Variants in PCDHB4 observed in about 807,000 individuals in gnomAD.
PCDHB4 encodes protocadherin beta-4.
For missense variants in PCDHB4, 1,063 were observed against 1,007.0 expected (o/e 1.06, Z -0.75); for synonymous variants, 482 against 447.3 (o/e 1.08, Z -0.98).
rs782562843 is a variant in PCDHB4 at position 141,123,174 on chromosome 5, A to T, written c.1176A>T (p.Leu392=). 1 of 1,614,156 alleles carries T rather than the reference A, an allele frequency of 6.2e-7. No homozygotes were observed. The highest frequency in any genetic ancestry group is 1.1e-5 in the South Asian group (1 of 91,074). ...CSIPDNLPFI[L]KPTLKNFYTL... ...TTCCAGATAATCTACCGTTTATTCTAAAACCAACTTTGAAGAATTTTTACA... is the reference window on the plus strand; with the variant it reads ...TTCCAGATAATCTACCGTTTATTCTTAAACCAACTTTGAAGAATTTTTACA... Residue 392 remains leucine (L), a synonymous_variant, in exon 1 of 1, where the codon CTA becomes CTT. Coordinates refer to ENST00000194152, the MANE Select transcript of PCDHB4 (RefSeq NM_018938.4).
Position 141,122,517 on chromosome 5 carries a change from C to A in PCDHB4, c.519C>A (p.Pro173=). 1 of 1,614,228 alleles carries A rather than the reference C, an allele frequency of 6.2e-7. No individual in the cohort carries two copies. The highest frequency in any genetic ancestry group is 2.2e-5 in the East Asian group (1 of 44,880). ...GTCTTCAAAAATACACAATCAGCCC[C>A]AATTCTCATTTTCACATTCTCACTC... The part of the protein sequence containing the change: ...SNGLQKYTIS[P]NSHFHILTRN... Residue 173 remains proline, a synonymous_variant, in exon 1 of 1, where the codon CCC becomes CCA. Coordinates refer to ENST00000194152, the MANE Select transcript of PCDHB4 (RefSeq NM_018938.4).
rs1752303955 is a variant in PCDHB4, at chr5:141,122,413, T to C, written c.415T>C (p.Leu139=). Residue 139 remains leucine (L), a synonymous_variant, in exon 1 of 1, where the codon TTG becomes CTG. Coordinates refer to ENST00000194152, the MANE Select transcript of PCDHB4 (RefSeq NM_018938.4). The part of the protein sequence containing the change: ...SPIFPEREVL[L]KILENSQPGT... The stretch of plus-strand genomic sequence containing the variant: ...AATATTCCCTGAAAGGGAAGTGCTC[T>C]TGAAAATACTAGAAAATAGCCAGCC... 7 of 1,614,100 alleles carry C rather than the reference T, an allele frequency of 4.3e-6. No individual in the cohort carries two copies. Among genetic ancestry groups the C allele is most frequent in the Admixed American group, 3.3e-5 (2 of 60,008 alleles).
In PCDHB4 at chr5:141,122,147, A is replaced by G. The variant is rs782788148; in HGVS notation, c.149A>G (p.Asp50Gly). Reference protein sequence around the residue: ...SGSFVAHLAKDLGLGIGELAS... With the variant: ...SGSFVAHLAKGLGLGIGELAS... ...TCCTTTGTAGCCCATCTGGCCAAGG[A>G]TCTGGGCCTGGGAATTGGGGAACTG... is the stretch of plus-strand genomic sequence containing the variant. The change falls in exon 1 of 1, where the codon GAT (aspartate) becomes GGT (glycine). Residue 50 changes from aspartate (D) to glycine (G), a missense_variant. By Grantham distance (94) the Asp-to-Gly change is moderately conservative (BLOSUM62 -1). Transcript: ENST00000194152. The G allele has an allele frequency of 3.7e-6, 6 of 1,614,036 alleles. No homozygotes were observed. The South Asian group carries it at 5.5e-5, about 15-fold the overall frequency.
chr5:141,123,690 G>A lies in PCDHB4; in HGVS notation c.1692G>A (p.Leu564=), dbSNP rs781943118. 22 of 1,611,100 alleles carry A rather than the reference G, an allele frequency of 1.4e-5. No homozygotes were observed. Among genetic ancestry groups the A allele is most frequent in the South Asian group, 2.2e-5 (2 of 90,972 alleles). The change falls in exon 1 of 1, where the codon CTG becomes CTA. Residue 564 remains leucine, a synonymous_variant. Coordinates refer to ENST00000194152, the MANE Select transcript of PCDHB4 (RefSeq NM_018938.4). ...NDNSPFVLYP[L]QNGSAPCTEL... ...ACTCGCCCTTCGTGCTGTACCCGCT[G>A]CAGAATGGCTCCGCGCCCTGCACCG...
rs782816932 is a variant in PCDHB4, at chr5:141,123,102, A to G, written c.1104A>G (p.Arg368=). The change falls in exon 1 of 1, where the codon CGA becomes CGG. Residue 368 remains arginine (R), a synonymous_variant. Transcript: ENST00000194152. ...NAPETVVSIF[R]IRDRDSGENG... The stretch of plus-strand genomic sequence containing the variant: ...CTGAGACGGTAGTCTCTATCTTCCG[A>G]ATTCGAGATAGAGATTCCGGAGAAA... The G allele has an allele frequency of 6.2e-7, 1 of 1,613,798 alleles. No homozygotes were observed. The highest frequency in any genetic ancestry group is 1.1e-5 in the South Asian group (1 of 91,016).
Position 141,123,610 on chromosome 5 carries a change from C to CCA in PCDHB4, c.1613_1614insAC (p.Ala539ArgfsTer3). The CCA allele has an allele frequency of 6.2e-7, 1 of 1,612,172 alleles. No homozygotes were observed. The highest frequency in any genetic ancestry group is 8.5e-7 in the Non-Finnish European group (1 of 1,179,794). ...CGTGGGCGCCTCAGACCGCGGTTCT[C>CCA]CGGCTTTGAGCAGCGAGGCGCTGGT... On this transcript the variant is annotated frameshift_variant, in exon 1 of 1. Coordinates refer to ENST00000194152, the MANE Select transcript of PCDHB4 (RefSeq NM_018938.4). LOFTEE classifies it low-confidence loss of function (END_TRUNC).
At position 141,121,858 on chromosome 5, in the gene PCDHB4, G is replaced by A. The variant is rs1201819331; in HGVS notation, c.-141G>A. On this transcript the variant is annotated 5_prime_UTR_variant, in exon 1 of 1. Coordinates refer to ENST00000194152, the MANE Select transcript of PCDHB4 (RefSeq NM_018938.4). ...TACAAGCAGTGCAGGTTTACCAACG[G>A]CTTGGGGCAGCGATATACTAAACAA... 1 of 613,710 alleles carries A rather than the reference G, an allele frequency of 1.6e-6. No homozygotes were observed. The highest frequency in any genetic ancestry group is 2.9e-6 in the Non-Finnish European group (1 of 350,224). The allele number at this position is 613,710 out of a possible 1,614,324, so 38.0% of individuals were successfully genotyped here.
rs374096831 is a variant in PCDHB4, at chr5:141,122,316, A to T, written c.318A>T (p.Gln106His). The T allele has an allele frequency of 3.3e-5, 54 of 1,613,922 alleles. No homozygotes were observed. The highest frequency in any genetic ancestry group is 3.3e-4 in the Middle Eastern group (2 of 6,084). The part of the protein sequence containing the change: ...GPIEPCVLHF[Q>H]VFLEMPVQFF... ...TTGAACCGTGTGTACTGCATTTCCA[A>T]GTGTTCCTGGAAATGCCGGTGCAAT... The change falls in exon 1 of 1, where the codon CAA (glutamine) becomes CAT (histidine). Residue 106 changes from glutamine (Q) to histidine (H), a missense_variant. Transcript: ENST00000194152.
Position 141,122,485 on chromosome 5 carries a change from A to C in PCDHB4, c.487A>C (p.Ser163Arg), listed in dbSNP as rs149602339. The C allele has an allele frequency of 5.0e-6, 8 of 1,614,248 alleles. No homozygotes were observed. The highest frequency in any genetic ancestry group is 6.8e-6 in the Non-Finnish European group (8 of 1,180,042). ...LLIAEDLDVG[S>R]NGLQKYTISP... ...AATAGCTGAGGATTTGGATGTGGGCAGCAATGGTCTTCAAAAATACACAAT... is the reference window on the plus strand; with the variant it reads ...AATAGCTGAGGATTTGGATGTGGGCCGCAATGGTCTTCAAAAATACACAAT... Residue 163 changes from serine to arginine, a missense_variant, in exon 1 of 1, where the codon AGC (serine) becomes CGC (arginine). Physicochemically the swap from Ser to Arg is moderately radical, Grantham distance 110 (BLOSUM62 -1). Transcript: ENST00000194152.
In PCDHB4 at chr5:141,122,628, C is replaced by T. The variant is rs782280520; in HGVS notation, c.630C>T (p.Thr210=). Residue 210 remains threonine (T), a synonymous_variant, in exon 1 of 1, where the codon ACC becomes ACT. Transcript: ENST00000194152. ...AGGAGCAGCCTGAGTTCAGCTTAACCCTCGTGGCGCTGGATGGTGGGTCAC... is the reference window on the plus strand; with the variant it reads ...AGGAGCAGCCTGAGTTCAGCTTAACTCTCGTGGCGCTGGATGGTGGGTCAC... ...DREEQPEFSL[T]LVALDGGSPP... 1 of 1,614,186 alleles carries T rather than the reference C, an allele frequency of 6.2e-7. No individual in the cohort carries two copies.
Position 141,124,314 on chromosome 5 carries a change from T to G in PCDHB4, c.2316T>G (p.Asn772Lys). ...AGTTCCTGAAGCCAATATTTCCTAATCTCTTGGTTCAGGACACCGGGAGGG... is the reference window on the plus strand; with the variant it reads ...AGTTCCTGAAGCCAATATTTCCTAAGCTCTTGGTTCAGGACACCGGGAGGG... ...EFKFLKPIFP[N>K]LLVQDTGREV... The change falls in exon 1 of 1, where the codon AAT (asparagine) becomes AAG (lysine). Residue 772 changes from asparagine to lysine, a missense_variant. By Grantham distance (94) the Asn-to-Lys change is moderately conservative. Transcript: ENST00000194152. 6.2e-7 allele frequency: 1 copy of G among 1,613,962 alleles called. No homozygotes were observed. Among genetic ancestry groups the G allele is most frequent in the Non-Finnish European group, 8.5e-7 (1 of 1,179,982 alleles).
chr5:141,121,907 T>C lies in PCDHB4; in HGVS notation c.-92T>C. On this transcript the variant is annotated 5_prime_UTR_variant, in exon 1 of 1. Coordinates refer to ENST00000194152, the MANE Select transcript of PCDHB4 (RefSeq NM_018938.4). ...AAATTTAATATTAAAAGCAACTGTG[T>C]GACGATTCCTCCAAGCAAGAAATTG... 2.3e-6 allele frequency: 2 copies of C among 885,734 alleles called. No homozygotes were observed. Among genetic ancestry groups the C allele is most frequent in the Admixed American group, 2.8e-5 (1 of 36,300 alleles). 54.9% of individuals were successfully genotyped at this position (885,734 alleles called of 1,614,324 possible). A position where few individuals can be genotyped will look rare whatever the true frequency, so the allele number is the denominator to read the frequency against.
rs1458717929 is a variant in PCDHB4 at position 141,124,638 on chromosome 5, T to A, written c.*252T>A. ...TTGGTGATTAATCTTTTTGTAATCA[T>A]AAATTACTCAATTAGGATAAAAATA... On this transcript the variant is annotated 3_prime_UTR_variant, in exon 1 of 1. Transcript: ENST00000194152. The A allele has an allele frequency of 3.4e-5, 11 of 327,446 alleles. No homozygotes were observed. The highest frequency in any genetic ancestry group is 6.1e-5 in the Non-Finnish European group (11 of 181,658). 20.3% of individuals were successfully genotyped at this position (327,446 alleles called of 1,614,324 possible). A position where few individuals can be genotyped will look rare whatever the true frequency, so the allele number is the denominator to read the frequency against.
In PCDHB4 at chr5:141,122,028, C is replaced by T; in HGVS notation, c.30C>T (p.Asn10=). 1 of 1,605,698 alleles carries T rather than the reference C, an allele frequency of 6.2e-7. No homozygotes were observed. Among genetic ancestry groups the T allele is most frequent in the Non-Finnish European group, 8.5e-7 (1 of 1,175,776 alleles). The change falls in exon 1 of 1, where the codon AAC becomes AAT. Residue 10 remains asparagine (N), a synonymous_variant. Coordinates refer to ENST00000194152, the MANE Select transcript of PCDHB4 (RefSeq NM_018938.4). The part of the protein sequence containing the change: MKKLGRIHP[N]RQVLAFILMV... ...AGAAGCTAGGGAGAATTCATCCAAA[C>T]AGGCAAGTGTTGGCCTTTATTTTGA...
Position 141,123,650 on chromosome 5 carries a change from T to G in PCDHB4, c.1652T>G (p.Leu551Arg). The change falls in exon 1 of 1, where the codon CTG (leucine) becomes CGG (arginine). Residue 551 changes from leucine to arginine, a missense_variant. Leu to Arg is a moderately radical substitution (Grantham distance 102, BLOSUM62 -2). Transcript: ENST00000194152. ...SSEALVRVLV[L>R]DTNDNSPFVL... ...GAGGCGCTGGTGCGCGTGCTGGTGC[T>G]GGACACCAACGACAACTCGCCCTTC... 1 of 1,611,710 alleles carries G rather than the reference T, an allele frequency of 6.2e-7. No individual in the cohort carries two copies. The highest frequency in any genetic ancestry group is 1.1e-5 in the South Asian group (1 of 90,976).
rs754221393 is a variant in PCDHB4, at chr5:141,123,035, TTATCA to T, written c.1042_1046del (p.Ile348PhefsTer12). The T allele has an allele frequency of 3.1e-5, 50 of 1,613,828 alleles. 1 individual carries two copies. The Admixed American group carries it at 7.7e-4, about 25-fold the overall frequency. ...GATGTGAATGACAATCCCCCAGAAC[TTATCA>T]TATCTTCACTCACCAGCTCCATCCC... On this transcript the variant is annotated frameshift_variant, in exon 1 of 1. Coordinates refer to ENST00000194152, the MANE Select transcript of PCDHB4 (RefSeq NM_018938.4). LOFTEE classifies it low-confidence loss of function (END_TRUNC).
Position 141,123,610 on chromosome 5 carries a change from C to A in PCDHB4, c.1612C>A (p.Pro538Thr). The change falls in exon 1 of 1, where the codon CCG becomes ACG. Residue 538 changes from proline to threonine, a missense_variant. Pro to Thr is a conservative substitution (Grantham distance 38). Coordinates refer to ENST00000194152, the MANE Select transcript of PCDHB4 (RefSeq NM_018938.4). ...FRVGASDRGSPALSSEALVRV... is the reference protein window; with the variant it reads ...FRVGASDRGSTALSSEALVRV... ...CGTGGGCGCCTCAGACCGCGGTTCTCCGGCTTTGAGCAGCGAGGCGCTGGT... is the reference window on the plus strand; with the variant it reads ...CGTGGGCGCCTCAGACCGCGGTTCTACGGCTTTGAGCAGCGAGGCGCTGGT... 6.2e-7 allele frequency: 1 copy of A among 1,612,172 alleles called. No individual in the cohort carries two copies. The highest frequency in any genetic ancestry group is 8.5e-7 in the Non-Finnish European group (1 of 1,179,794).
rs1554274520 is a variant in PCDHB4 at position 141,123,363 on chromosome 5, C to T, written c.1365C>T (p.Tyr455=). The T allele has an allele frequency of 2.5e-6, 4 of 1,613,954 alleles. No individual in the cohort carries two copies. Residue 455 remains tyrosine, a synonymous_variant, in exon 1 of 1, where the codon TAC becomes TAT. Transcript: ENST00000194152. ...DNAPAFTQTS[Y]TLFVRENNSP... ...CCCCCGCCTTCACCCAAACCTCCTACACCCTGTTCGTCCGCGAGAACAACA... is the reference window on the plus strand; with the variant it reads ...CCCCCGCCTTCACCCAAACCTCCTATACCCTGTTCGTCCGCGAGAACAACA...
At position 141,123,705 on chromosome 5, in the gene PCDHB4, G is replaced by T. The variant is rs1481988433; in HGVS notation, c.1707G>T (p.Ala569=). Residue 569 remains alanine (A), a synonymous_variant, in exon 1 of 1, where the codon GCG becomes GCT. Transcript: ENST00000194152. ...TGTACCCGCTGCAGAATGGCTCCGC[G>T]CCCTGCACCGAGCTGGTGCCCCGGG... ...FVLYPLQNGS[A]PCTELVPRAA... The T allele has an allele frequency of 6.2e-7, 1 of 1,610,832 alleles. No individual in the cohort carries two copies. Among genetic ancestry groups the T allele is most frequent in the East Asian group, 2.2e-5 (1 of 44,864 alleles).
Sources: gnomAD v4.1 joint callset for allele counts on GRCh38, gnomAD v4.1.1 for gene constraint, MANE v1.5 for transcripts, NCBI Gene and HGNC (gene_info 2026-07-23, HGNC 2026-07-21) for gene names.